The following ESAM variants were observed in gnomAD, a reference collection of about 807,000 sequenced individuals.
The protein encoded by ESAM is endothelial cell adhesion molecule.
ESAM carries 23 observed loss-of-function variants against 31.8 expected under a neutral mutation model. The ratio of observed to expected loss-of-function variants is 0.72; its 90% confidence interval spans 0.52 to 1.03. The LOEUF (loss-of-function observed/expected upper bound fraction) is 1.03. ESAM is among the 50% of genes least tolerant of loss of function. The pLI is 0.00. For missense variants in ESAM, 478 were observed against 488.9 expected, an observed-to-expected ratio of 0.98 and a Z score of 0.21; for synonymous variants, 216 against 207.2, an observed-to-expected ratio of 1.04 and a Z score of -0.37.
In ESAM at chr11:124,753,868, T is replaced by C. The variant is rs762636305; in HGVS notation, c.951A>G (p.Arg317=). 202 of 1,613,888 alleles carry C rather than the reference T, an allele frequency of 1.3e-4. No individual in the cohort carries two copies. The highest frequency in any genetic ancestry group is 1.7e-4 in the Non-Finnish European group (200 of 1,179,972). The change falls in exon 7 of 7, where the codon CGA becomes CGG. Residue 317 remains arginine (R), a synonymous_variant. Coordinates refer to ENST00000278927, the MANE Select transcript of ESAM (RefSeq NM_138961.3). ...GAGGGCCATGGGGTGGCCGGAGGGC[T>C]CGTGCGGAGGTGACAGAGGAAAGGG... ...NGTLSSVTSA[R]ALRPPHGPPR...
rs764844339 is a variant in ESAM, at chr11:124,753,773, G to A, written c.1046C>T (p.Thr349Met). The change falls in exon 7 of 7, where the codon ACG becomes ATG. Residue 349 changes from threonine to methionine, a missense_variant. Transcript: ENST00000278927. The part of the protein sequence containing the change: ...SQALPSPRLP[T>M]TDGAHPQPIS... Reference sequence around the variant, plus strand: ...TGGTTGAGGGTGGGCCCCATCTGTCGTGGGCAGTCTTGGTGAGGGCAGGGC... The same window carrying A: ...TGGTTGAGGGTGGGCCCCATCTGTCATGGGCAGTCTTGGTGAGGGCAGGGC... 3.8e-5 allele frequency: 62 copies of A among 1,613,852 alleles called. No individual in the cohort carries two copies. The highest frequency in any genetic ancestry group is 4.6e-5 in the Non-Finnish European group (54 of 1,179,936).
At position 124,759,966 on chromosome 11, in the gene ESAM, G is replaced by A. The variant is rs573280610; in HGVS notation, c.71-1439C>T. On this transcript the variant is annotated intron_variant, in intron 1 of 6. Coordinates refer to ENST00000278927, the MANE Select transcript of ESAM (RefSeq NM_138961.3). This position sits in a 1 kb window ranked among gnomAD's most constrained non-coding sequence, Gnocchi z 6.8. ...GCCGGCTCTCCCCCAGCCTTTCTAC[G>A]ACACACACCCGGCGGCCAGAAAGGG... is the stretch of plus-strand genomic sequence containing the variant. Among the ~76,000 whole-genome samples, 1 of 152,204 alleles carries A rather than the reference G, an allele frequency of 6.6e-6. No homozygotes were observed. Among genetic ancestry groups the A allele is most frequent in the African/African-American group, 2.4e-5 (1 of 41,456 alleles).
intron 4 of ESAM, among the ~76,000 whole-genome samples, chr11:124,755,507 A>G (rs181704318): frequency 6.6e-6 from 1 of 152,316 alleles, no homozygotes; most frequent in African/African-American, 2.4e-5. Context: ...ACTTACCACA[A>G]TTTCCCAACA....
Position 124,759,981 on chromosome 11 carries a change from G to T in ESAM, c.71-1454C>A, listed in dbSNP as rs1172494522. Among the ~76,000 whole-genome samples, 1 of 152,222 alleles carries T rather than the reference G, an allele frequency of 6.6e-6. No homozygotes were observed. The highest frequency in any genetic ancestry group is 1.5e-5 in the Non-Finnish European group (1 of 68,040). On this transcript the variant is annotated intron_variant, in intron 1 of 6. Transcript: ENST00000278927. This position sits in a 1 kb window ranked among gnomAD's most constrained non-coding sequence, Gnocchi z 6.8. ...GCCTTTCTACGACACACACCCGGCG[G>T]CCAGAAAGGGTTTCCGCCGGGAAAC...
intron 1 of ESAM, among the ~76,000 whole-genome samples, 160 bp from the exon 2 acceptor site, chr11:124,758,687 G>A (rs1944187442): frequency 6.6e-6 from 1 of 152,212 alleles, no homozygotes; most frequent in Non-Finnish European, 1.5e-5. Context: ...GGTGCCCAGG[G>A]ACCACTGGCT....
intron 1 of ESAM, among the ~76,000 whole-genome samples, chr11:124,761,586 G>A (rs1421128989): frequency 1.3e-5 from 2 of 152,178 alleles, no homozygotes; most frequent in African/African-American, 2.4e-5. Context: ...GAAGCAGGAG[G>A]GGGCAAGAGA....
Position 124,762,203 on chromosome 11 carries a change from C to T in ESAM, c.-49G>A. On this transcript the variant is annotated 5_prime_UTR_variant, in exon 1 of 7. The change creates a new upstream start codon in the 5' untranslated region. Transcript: ENST00000278927. The surrounding 1 kb of genome is among the most constrained non-coding windows in gnomAD (Gnocchi z 6.4). The stretch of plus-strand genomic sequence containing the variant: ...TCAGGGGCGCCAGCCGCGGGACGCA[C>T]GGACCTGCAGGTGCCGAGGCTGCGC... 1.3e-6 allele frequency: 2 copies of T among 1,495,294 alleles called. No homozygotes were observed. The highest frequency in any genetic ancestry group is 9.1e-7 in the Non-Finnish European group (1 of 1,097,120). The allele number at this position is 1,495,294 out of a possible 1,614,324, so 92.6% of individuals were successfully genotyped here.
At position 124,762,179 on chromosome 11, in the gene ESAM, C is replaced by T. The variant is rs1944239239; in HGVS notation, c.-25G>A. The T allele has an allele frequency of 1.3e-6, 2 of 1,583,902 alleles. No homozygotes were observed. The highest frequency in any genetic ancestry group is 2.3e-5 in the East Asian group (1 of 43,050). On this transcript the variant is annotated 5_prime_UTR_variant, in exon 1 of 7. Transcript: ENST00000278927. The surrounding 1 kb of genome is among the most constrained non-coding windows in gnomAD (Gnocchi z 6.4). ...TGGCCCTCCCTGGCCGGGACGGAGT[C>T]AGGGGCGCCAGCCGCGGGACGCACG...
At position 124,754,263 on chromosome 11, in the gene ESAM, A is replaced by G. The variant is rs1294324554; in HGVS notation, c.808T>C (p.Leu270=). 1.2e-6 allele frequency: 2 copies of G among 1,614,008 alleles called. No homozygotes were observed. Among genetic ancestry groups the G allele is most frequent in the Non-Finnish European group, 1.7e-6 (2 of 1,179,982 alleles). ...GLGLLAGLVL[L]YHRRGKALEE... is the part of the protein sequence containing the mutation. ...AGGGCCTTGCCCCGGCGGTGGTACAAGAGGACCAGCCCAGCCAGCAACCCC... is the reference window on the plus strand; with the variant it reads ...AGGGCCTTGCCCCGGCGGTGGTACAGGAGGACCAGCCCAGCCAGCAACCCC... Residue 270 remains leucine (L), a synonymous_variant, in exon 6 of 7, where the codon TTG becomes CTG. Coordinates refer to ENST00000278927, the MANE Select transcript of ESAM (RefSeq NM_138961.3). The surrounding 1 kb of genome is among the most constrained non-coding windows in gnomAD (Gnocchi z 4.5).
chr11:124,754,012 A>G lies in ESAM; in HGVS notation c.858-51T>C. On this transcript the variant is annotated intron_variant, in intron 6 of 6. Transcript: ENST00000278927. The surrounding 1 kb of genome is among the most constrained non-coding windows in gnomAD (Gnocchi z 4.5). Reference sequence around the variant, plus strand: ...GTCAGAAGTGGGTGGGGGAAGGAGGAGAGAGTTTCTACCTGCTTGGTCTTA... The same window carrying G: ...GTCAGAAGTGGGTGGGGGAAGGAGGGGAGAGTTTCTACCTGCTTGGTCTTA... 6.3e-7 allele frequency: 1 copy of G among 1,596,680 alleles called. No homozygotes were observed. The highest frequency in any genetic ancestry group is 8.5e-7 in the Non-Finnish European group (1 of 1,170,924).
chr11:124,760,521 G>A (rs528283536), intron 1 of ESAM, among the ~76,000 whole-genome samples: 42 of 152,374 alleles, frequency 2.8e-4, no homozygotes, highest in African/African-American at 9.4e-4. Context: ...GAGCCGCCGA[G>A]GAGCCTACTG....
chr11:124,754,555 G>A lies in ESAM; in HGVS notation c.730+86C>T. The A allele has an allele frequency of 1.9e-6, 3 of 1,547,372 alleles. No individual in the cohort carries two copies. Among genetic ancestry groups the A allele is most frequent in the South Asian group, 2.5e-5 (2 of 79,742 alleles). On this transcript the variant is annotated intron_variant, in intron 5 of 6. Coordinates refer to ENST00000278927, the MANE Select transcript of ESAM (RefSeq NM_138961.3). This position sits in a 1 kb window ranked among gnomAD's most constrained non-coding sequence, Gnocchi z 4.5. Reference sequence around the variant, plus strand: ...AGCTCCGTGCCCTGCTACAGAGACAGGCCTCAGCAGACAGGCCTCCTCCCC... The same window carrying A: ...AGCTCCGTGCCCTGCTACAGAGACAAGCCTCAGCAGACAGGCCTCCTCCCC...
At chr11:124,753,999 TG>T in intron 6 of ESAM, 38 bp from the exon 7 acceptor site, 1 of 1,605,498 alleles carries the variant, frequency 6.2e-7, no homozygotes, top group South Asian at 1.1e-5. Flanking sequence ...CAGAAGTGGG[TG>T]GGGGAAGGAG....
chr11:124,754,928 G>A lies in ESAM; in HGVS notation c.608-165C>T, dbSNP rs964682265. On this transcript the variant is annotated intron_variant, in intron 4 of 6. Transcript: ENST00000278927. This position sits in a 1 kb window ranked among gnomAD's most constrained non-coding sequence, Gnocchi z 4.5. ...TGACAGCTGGGCTTGGCTCCCAGCT[G>A]CAGACTGACTAGTGCAATAACCTCC... Among the ~76,000 whole-genome samples, 2 of 152,120 alleles carry A rather than the reference G, an allele frequency of 1.3e-5. No individual in the cohort carries two copies. Among genetic ancestry groups the A allele is most frequent in the South Asian group, 2.1e-4 (1 of 4,832 alleles).
Position 124,758,466 on chromosome 11 carries a change from C to T in ESAM, c.132G>A (p.Glu44=). ...HLPANRLQAV[E]GGEVVLPAWY... is the part of the protein sequence containing the mutation. ...ACGCTGGAAGCACCACTTCCCCTCC[C>T]TCCACCGCCTGCAACCGGTTGGCGG... Residue 44 remains glutamate, a synonymous_variant, in exon 2 of 7, where the codon GAG becomes GAA. Coordinates refer to ENST00000278927, the MANE Select transcript of ESAM (RefSeq NM_138961.3). The T allele has an allele frequency of 2.5e-6, 4 of 1,612,442 alleles. No homozygotes were observed. Among genetic ancestry groups the T allele is most frequent in the Non-Finnish European group, 3.4e-6 (4 of 1,179,272 alleles).
rs1027399374 is a variant in ESAM at position 124,754,871 on chromosome 11, G to A, written c.608-108C>T. 1.1e-5 allele frequency: 16 copies of A among 1,416,946 alleles called. No individual in the cohort carries two copies. Among genetic ancestry groups the A allele is most frequent in the African/African-American group, 7.2e-5 (5 of 69,252 alleles). The allele number at this position is 1,416,946 out of a possible 1,614,324, so 87.8% of individuals were successfully genotyped here. On this transcript the variant is annotated intron_variant, in intron 4 of 6. Coordinates refer to ENST00000278927, the MANE Select transcript of ESAM (RefSeq NM_138961.3). This position sits in a 1 kb window ranked among gnomAD's most constrained non-coding sequence, Gnocchi z 4.5. ...TCCCCTTTGACCCTCTGGGAGTCAC[G>A]GCTTGTCTATTCCCTGATGGGGGGA...
chr11:124,762,200 G>T lies in ESAM; in HGVS notation c.-46C>A. The T allele has an allele frequency of 6.7e-7, 1 of 1,492,836 alleles. No individual in the cohort carries two copies. The highest frequency in any genetic ancestry group is 1.2e-5 in the South Asian group (1 of 82,034). 92.5% of individuals were successfully genotyped at this position (1,492,836 alleles called of 1,614,324 possible). A position where few individuals can be genotyped will look rare whatever the true frequency, so the allele number is the denominator to read the frequency against. On this transcript the variant is annotated 5_prime_UTR_variant, in exon 1 of 7. Transcript: ENST00000278927. The surrounding 1 kb of genome is among the most constrained non-coding windows in gnomAD (Gnocchi z 6.4). ...GAGTCAGGGGCGCCAGCCGCGGGAC[G>T]CACGGACCTGCAGGTGCCGAGGCTG...
intron 1 of ESAM, 140 bp downstream of exon 1, chr11:124,761,945 C>T (rs1944235267): frequency 2.6e-6 from 2 of 762,530 alleles, no homozygotes; most frequent in South Asian, 1.6e-5. Context: ...GCCAGTGATG[C>T]CCTGGAGTGG....
In ESAM at chr11:124,754,390, C is replaced by A. The variant is rs1236199302; in HGVS notation, c.731-50G>T. On this transcript the variant is annotated intron_variant, in intron 5 of 6. Transcript: ENST00000278927. The surrounding 1 kb of genome is among the most constrained non-coding windows in gnomAD (Gnocchi z 4.5). ...AGGACACCCAGCTGAGGGGTTCTCA[C>A]CCCTCTCCAATCCCACTCTCCCCAC... The A allele has an allele frequency of 6.2e-7, 1 of 1,601,236 alleles. No homozygotes were observed. Among genetic ancestry groups the A allele is most frequent in the Non-Finnish European group, 8.5e-7 (1 of 1,173,854 alleles).
Sources: gnomAD v4.1 joint callset for allele counts (sites outside exome capture counted in the v4.1 genomes callset) on GRCh38, gnomAD v4.1.1 for gene constraint, Gnocchi (gnomAD v3.1) non-coding constraint, MANE v1.5 for transcripts, NCBI Gene and HGNC (gene_info 2026-07-23, HGNC 2026-07-21) for gene names.